Variants in ITGA1 observed in about 807,000 individuals in gnomAD.
ITGA1 encodes the protein integrin alpha-1.
Under a neutral mutation model 145.9 loss-of-function variants are expected in ITGA1, and 85 were observed. The observed-to-expected ratio is 0.58, with a 90% CI of 0.49 to 0.70. The LOEUF (loss-of-function observed/expected upper bound fraction) is 0.70. Among genes scored for constraint, ITGA1 ranks in the 30% least tolerant of loss-of-function variants. The pLI is 0.00. For synonymous variants in ITGA1, 520 were observed against 495.3 expected (o/e 1.05, Z -0.66); for missense variants, 1,351 against 1,418.7 (o/e 0.95, Z 0.77).
Position 52,813,014 on chromosome 5 carries a change from T to C in ITGA1, c.61+24600T>C, listed in dbSNP as rs567901708. Reference sequence around the variant, plus strand: ...GGCTACCCAGCTGGTTCTCTGTCTTTATAATATTTTTATTTCTTTAAATTT... The same window carrying C: ...GGCTACCCAGCTGGTTCTCTGTCTTCATAATATTTTTATTTCTTTAAATTT... On this transcript the variant is annotated intron_variant, in intron 1 of 28. Transcript: ENST00000282588. Among the ~76,000 whole-genome samples the C allele has an allele frequency of 3.3e-5, 5 of 152,266 alleles. No individual in the cohort carries two copies. In the East Asian group the frequency reaches 9.7e-4, roughly 29 times the overall value.
chr5:52,796,762 G>T (rs1267702315), intron 1 of ITGA1, among the ~76,000 whole-genome samples: 1 of 151,980 alleles, frequency 6.6e-6, no homozygotes, highest in African/African-American at 2.4e-5. Context: ...TCCTTCCAGA[G>T]TTCAACAAAA....
At chr5:52,843,672 G>A (rs1178065320) in intron 1 of ITGA1, among the ~76,000 whole-genome samples, 1 of 152,144 alleles carries the variant, frequency 6.6e-6, no homozygotes, top group Non-Finnish European at 1.5e-5. Context: ...GAGCCATCAT[G>A]AGACTTTTGA....
Position 52,846,860 on chromosome 5 carries a change from T to TGATAGAAATTGATAGA in ITGA1, c.62-2505_62-2504insGATAGAAATTGATAGA, listed in dbSNP as rs545679983. Among the ~76,000 whole-genome samples the TGATAGAAATTGATAGA allele has an allele frequency of 3.9e-3, 598 of 152,330 alleles. 8 individuals are homozygous for TGATAGAAATTGATAGA. Among genetic ancestry groups the TGATAGAAATTGATAGA allele is most frequent in the African/African-American group, 0.014 (582 of 41,580 alleles). Reference sequence around the variant, plus strand: ...CATCTCTTTCTCCCTTTAAAAATCTTAATTGAAAATTTCTATCTCCATAAA... The same window carrying TGATAGAAATTGATAGA: ...CATCTCTTTCTCCCTTTAAAAATCTTGATAGAAATTGATAGAAATTGAAAATTTCTATCTCCATAAA... On this transcript the variant is annotated intron_variant, in intron 1 of 28. Coordinates refer to ENST00000282588, the MANE Select transcript of ITGA1 (RefSeq NM_181501.2).
In ITGA1 at chr5:52,909,008, G is replaced by A. The variant is rs1488507023; in HGVS notation, c.1566G>A (p.Glu522=). ...TGTACATGGGAACAGAGAAGGAGGAGCAAGGAAAAGTGTATGTGTATGCTC... is the reference window on the plus strand; with the variant it reads ...TGTACATGGGAACAGAGAAGGAGGAACAAGGAAAAGTGTATGTGTATGCTC... ...APMYMGTEKE[E]QGKVYVYALN... The change falls in exon 13 of 29, where the codon GAG becomes GAA. Residue 522 remains glutamate, a synonymous_variant. Transcript: ENST00000282588. 2 of 1,613,786 alleles carry A rather than the reference G, an allele frequency of 1.2e-6. No homozygotes were observed. The highest frequency in any genetic ancestry group is 8.5e-7 in the Non-Finnish European group (1 of 1,179,870).
chr5:52,801,917 A>C (rs1239938336), intron 1 of ITGA1: 4 of 1,161,752 alleles, frequency 3.4e-6, no homozygotes, highest in Non-Finnish European at 4.8e-6. Flanking sequence ...CTTGTGACAG[A>C]AAGCTGCAAG....
chr5:52,841,229 G>A (rs1749249570), intron 1 of ITGA1, among the ~76,000 whole-genome samples: 1 of 152,056 alleles, frequency 6.6e-6, no homozygotes, highest in South Asian at 2.1e-4. Flanking sequence ...AATTGTATTG[G>A]GAAGTTCCAA....
Position 52,897,476 on chromosome 5 carries a change from C to T in ITGA1, c.1112C>T (p.Ala371Val), listed in dbSNP as rs998388129. The T allele has an allele frequency of 4.3e-6, 7 of 1,612,666 alleles. No individual in the cohort carries two copies. The highest frequency in any genetic ancestry group is 1.3e-5 in the African/African-American group (1 of 74,870). ...ALEATADQSA[A>V]SFEMEMSQTG... ...ATAGCCACAGCTGACCAGTCAGCAG[C>T]TTCATTTGAAATGGAAATGTCTCAG... Residue 371 changes from alanine to valine, a missense_variant, in exon 10 of 29, where the codon GCT (alanine) becomes GTT (valine). Ala to Val is a moderately conservative substitution (Grantham distance 64). Coordinates refer to ENST00000282588, the MANE Select transcript of ITGA1 (RefSeq NM_181501.2).
intron 15 of ITGA1, among the ~76,000 whole-genome samples, chr5:52,917,024 G>A (rs10039713): frequency 5.9e-5 from 9 of 152,080 alleles, no homozygotes; most frequent in Non-Finnish European, 1.2e-4. Context: ...GGACCAAACC[G>A]ATATACTGGG....
intron 8 of ITGA1, among the ~76,000 whole-genome samples, chr5:52,890,179 G>T (rs1305012151): frequency 6.6e-6 from 1 of 151,988 alleles, no homozygotes; most frequent in African/African-American, 2.4e-5. Context: ...CTCCACCTGG[G>T]TAACCATCAG....
At chr5:52,816,613 A>C (rs1334869967) in intron 1 of ITGA1, among the ~76,000 whole-genome samples, 2 of 152,100 alleles carry the variant, frequency 1.3e-5, no homozygotes, top group Admixed American at 6.6e-5. Flanking sequence ...ACCATTAGCT[A>C]TTCTGGCCAT....
chr5:52,834,920 G>A lies in ITGA1; in HGVS notation c.62-14445G>A, dbSNP rs536452155. ...ACACAATTCACTCTATTGAGTGAAC[G>A]CTAACTATTATACAAGAGTTCATAA... On this transcript the variant is annotated intron_variant, in intron 1 of 28. Transcript: ENST00000282588. 1.2e-4 allele frequency among the ~76,000 whole-genome samples: 18 copies of A among 152,152 alleles called. No homozygotes were observed. In the South Asian group the frequency reaches 3.5e-3, roughly 30 times the overall value.
chr5:52,812,738 T>C (rs10471365), intron 1 of ITGA1, among the ~76,000 whole-genome samples: 136,477 of 150,486 alleles, frequency 0.91, 61,957 homozygotes, highest in Middle Eastern at 0.92. Context: ...AAGCAAAATA[T>C]CTGAAAATTC....
At chr5:52,808,672 CT>C (rs1440077635) in intron 1 of ITGA1, among the ~76,000 whole-genome samples, 1 of 42,348 alleles carries the variant, frequency 2.4e-5, no homozygotes, top group South Asian at 8.6e-4. Context: ...TTCTTTCTTT[CT>C]TTCTTTTTTT....
chr5:52,804,216 G>C (rs1748546113), intron 1 of ITGA1, among the ~76,000 whole-genome samples: 2 of 152,118 alleles, frequency 1.3e-5, no homozygotes, highest in Non-Finnish European at 2.9e-5. Context: ...TTAAGTATTG[G>C]ATATGTGATA....
At position 52,933,948 on chromosome 5, in the gene ITGA1, T is replaced by G; in HGVS notation, c.2916T>G (p.Val972=). 6.5e-7 allele frequency: 1 copy of G among 1,532,834 alleles called. No homozygotes were observed. The highest frequency in any genetic ancestry group is 8.8e-7 in the Non-Finnish European group (1 of 1,134,120). 95.0% of individuals were successfully genotyped at this position (1,532,834 alleles called of 1,614,324 possible). A position where few individuals can be genotyped will look rare whatever the true frequency, so the allele number is the denominator to read the frequency against. ...SIAANETVPE[V]INSTEDIGNE... is the part of the protein sequence containing the mutation. The stretch of plus-strand genomic sequence containing the variant: ...CTGCCAATGAGACAGTCCCTGAAGT[T>G]ATTAATTCTACTGAGGACATTGGAA... The change falls in exon 23 of 29, where the codon GTT becomes GTG. Residue 972 remains valine (V), a synonymous_variant. Coordinates refer to ENST00000282588, the MANE Select transcript of ITGA1 (RefSeq NM_181501.2).
At chr5:52,794,096 C>T (rs1748293055) in intron 1 of ITGA1, among the ~76,000 whole-genome samples, 1 of 151,744 alleles carries the variant, frequency 6.6e-6, no homozygotes, top group Non-Finnish European at 1.5e-5. Flanking sequence ...CAATTTTATC[C>T]AAACAGGAGA....
rs1483556360 is a variant in ITGA1 at position 52,864,771 on chromosome 5, T to C, written c.304T>C (p.Ser102Pro). The change falls in exon 4 of 29, where the codon TCA (serine) becomes CCA (proline). Residue 102 changes from serine to proline, a missense_variant. Transcript: ENST00000282588. The stretch of plus-strand genomic sequence containing the variant: ...TTTTGTTCTATTTTTAGTTAATACA[T>C]CAATTCCCAATGTCACAGAAGTAAA... ...CVKLDLPVNT[S>P]IPNVTEVKEN... 6.2e-7 allele frequency: 1 copy of C among 1,605,310 alleles called. No homozygotes were observed. The highest frequency in any genetic ancestry group is 1.7e-5 in the Admixed American group (1 of 58,956).
intron 14 of ITGA1, 99 bp from the exon 15 acceptor site, chr5:52,915,365 A>G: frequency 1.5e-6 from 2 of 1,340,036 alleles, no homozygotes; most frequent in Non-Finnish European, 2.1e-6. Flanking sequence ...AATTAACAAA[A>G]CTGATTATTT....
chr5:52,801,416 C>G, intron 1 of ITGA1: 1 of 1,610,582 alleles, frequency 6.2e-7, no homozygotes, highest in Non-Finnish European at 8.5e-7. Context: ...TAGGTACATG[C>G]CTCCTCCGGA....
Sources: allele counts gnomAD v4.1 joint callset (sites outside exome capture counted in the v4.1 genomes callset), GRCh38; gene constraint gnomAD v4.1.1; transcripts MANE v1.5; gene names NCBI Gene and HGNC (gene_info 2026-07-23, HGNC 2026-07-21).